Variants in DCBLD2 observed in about 807,000 individuals in gnomAD.
DCBLD2 encodes the protein discoidin, CUB and LCCL domain containing 2, also known as discoidin, CUB and LCCL domain-containing protein 2.
A neutral mutation model predicts 86.8 loss-of-function variants in DCBLD2; 54 were observed. The ratio of observed to expected loss-of-function variants is 0.62; its 90% CI spans 0.50 to 0.78. DCBLD2 has a LOEUF of 0.78. Ranked by LOEUF, DCBLD2 falls within the 30% of genes least tolerant of loss-of-function variation. The pLI, the probability that DCBLD2 is intolerant of heterozygous loss-of-function variation, is 0.00. For missense variants in DCBLD2, 908 were observed against 954.2 expected (o/e 0.95, Z 0.64); for synonymous variants, 354 against 341.3 (o/e 1.04, Z -0.41).
chr3:98,847,481 A>C (rs1942747833), intron 3 of DCBLD2, among the ~76,000 whole-genome samples: 1 of 152,236 alleles, frequency 6.6e-6, no homozygotes, highest in African/African-American at 2.4e-5. Context: ...AGATTTTGTT[A>C]GCCTTCACAT....
intron 8 of DCBLD2, 61 bp from the exon 9 acceptor site, chr3:98,817,954 C>A: frequency 1.3e-6 from 2 of 1,584,696 alleles, no homozygotes; most frequent in South Asian, 2.3e-5. Flanking sequence ...GTTTGTTCAG[C>A]ATCAAAGTAT....
intron 8 of DCBLD2, 63 bp from the exon 9 acceptor site, chr3:98,817,956 T>C (rs1942054485): frequency 6.3e-7 from 1 of 1,583,876 alleles, no homozygotes; most frequent in Non-Finnish European, 8.6e-7. Context: ...TTGTTCAGCA[T>C]CAAAGTATAA....
chr3:98,853,413 A>AGAG (rs1942875476), intron 2 of DCBLD2, among the ~76,000 whole-genome samples: 1 of 152,246 alleles, frequency 6.6e-6, no homozygotes, highest in Non-Finnish European at 1.5e-5. Flanking sequence ...GTCACACTCC[A>AGAG]GTTTGCCACA....
In DCBLD2 at chr3:98,897,867, C is replaced by G. The variant is rs1943777434; in HGVS notation, c.205+3255G>C. On this transcript the variant is annotated intron_variant, in intron 1 of 15. Transcript: ENST00000326840. ...GCCTTCCAGGATACAAATGAGGAAG[C>G]TGAGCTCCTGATATGAAGTAACCCA... 1.3e-5 allele frequency among the ~76,000 whole-genome samples: 2 copies of G among 152,058 alleles called. 1 individual carries two copies. Among genetic ancestry groups the G allele is most frequent in the Admixed American group, 1.3e-4 (2 of 15,278 alleles).
rs547260157 is a variant in DCBLD2 at position 98,845,550 on chromosome 3, A to G, written c.571+3911T>C. ...ACAGCCTCTTAACGGGCCTCTCTAC[A>G]TTTATTCTTACTTTTATTTGACCCG... On this transcript the variant is annotated intron_variant, in intron 3 of 15. Transcript: ENST00000326840. Among the ~76,000 whole-genome samples the G allele has an allele frequency of 2.0e-5, 3 of 152,282 alleles. No homozygotes were observed. The South Asian group carries it at 6.2e-4, about 32-fold the overall frequency.
chr3:98,800,615 T>C lies in DCBLD2; in HGVS notation c.1822A>G (p.Arg608Gly), dbSNP rs775743323. Residue 608 changes from arginine (R) to glycine (G), a missense_variant, in exon 15 of 16, where the codon AGA becomes GGA. This residue lies in a region of DCBLD2 where 606 missense variants were observed against 678.5 expected (regional missense o/e 0.89). Transcript: ENST00000326840. The part of the protein sequence containing the change: ...SSSEVNHLSP[R>G]EVTTVLQADS... The stretch of plus-strand genomic sequence containing the variant: ...GCCTGCAGCACTGTGGTGACTTCTC[T>C]TGGACTCAGGTGATTAACTTCGCTG... 2 of 1,613,936 alleles carry C rather than the reference T, an allele frequency of 1.2e-6. No individual in the cohort carries two copies. The highest frequency in any genetic ancestry group is 1.7e-6 in the Non-Finnish European group (2 of 1,179,850).
At chr3:98,850,746 A>C (rs960510903) in intron 2 of DCBLD2, among the ~76,000 whole-genome samples, 2 of 152,098 alleles carry the variant, frequency 1.3e-5, no homozygotes, top group Non-Finnish European at 2.9e-5. Flanking sequence ...GAATTGACAA[A>C]TAAAACAAAA....
chr3:98,822,052 AAACAAAAC>A lies in DCBLD2; in HGVS notation c.830+168_830+175del, dbSNP rs1454732014. 3 of 841,694 alleles carry A rather than the reference AAACAAAAC, an allele frequency of 3.6e-6. No individual in the cohort carries two copies. In the African/African-American group the frequency reaches 4.9e-5, roughly 14 times the overall value. The allele number at this position is 841,694 out of a possible 1,614,324, so 52.1% of individuals were successfully genotyped here. ...TGAGAGCGAAACTCTGTCTCAAACA[AAACAAAAC>A]AAAAAAACAGACACTGAGCACACTA... On this transcript the variant is annotated intron_variant, in intron 6 of 15. Coordinates refer to ENST00000326840, the MANE Select transcript of DCBLD2 (RefSeq NM_080927.4).
intron 7 of DCBLD2, 121 bp from the exon 8 acceptor site, chr3:98,819,538 G>A: frequency 2.0e-6 from 2 of 1,006,658 alleles, no homozygotes; most frequent in Non-Finnish European, 2.9e-6. Context: ...ATAATACACT[G>A]TAACAGAGAA....
At chr3:98,836,399 T>C (rs1431399145) in intron 3 of DCBLD2, among the ~76,000 whole-genome samples, 1 of 150,832 alleles carries the variant, frequency 6.6e-6, no homozygotes, top group Admixed American at 6.6e-5. Flanking sequence ...TGCTACTCAA[T>C]TGGAACCCAT....
intron 2 of DCBLD2, among the ~76,000 whole-genome samples, chr3:98,874,220 T>G (rs1943328887): frequency 6.6e-6 from 1 of 152,190 alleles, no homozygotes; most frequent in Non-Finnish European, 1.5e-5. Context: ...AAAGGAAAAC[T>G]TCATATTTCT....
At chr3:98,854,966 CA>C (rs1942905440) in intron 2 of DCBLD2, among the ~76,000 whole-genome samples, 1 of 152,046 alleles carries the variant, frequency 6.6e-6, no homozygotes, top group South Asian at 2.1e-4. Context: ...AAACAGAATA[CA>C]AAAAGTACTA....
chr3:98,897,434 T>C (rs1943768944), intron 1 of DCBLD2, among the ~76,000 whole-genome samples: 1 of 152,162 alleles, frequency 6.6e-6, no homozygotes, highest in African/African-American at 2.4e-5. Context: ...AGAGCCCCAA[T>C]GTTTTATCAG....
At position 98,828,907 on chromosome 3, in the gene DCBLD2, C is replaced by T. The variant is rs72934683; in HGVS notation, c.572-3541G>A. On this transcript the variant is annotated intron_variant, in intron 3 of 15. Transcript: ENST00000326840. ...TATGCTAAGTGAAAGAAGCTAGTCA[C>T]AAAAGACCACATACTATGTGATACA... Among the ~76,000 whole-genome samples, 929 of 152,234 alleles carry T rather than the reference C, an allele frequency of 6.1e-3. 8 individuals carry two copies. The highest frequency in any genetic ancestry group is 0.021 in the African/African-American group (874 of 41,536).
intron 3 of DCBLD2, among the ~76,000 whole-genome samples, chr3:98,832,838 C>G (rs778630044): frequency 2.6e-5 from 4 of 152,162 alleles, no homozygotes; most frequent in Non-Finnish European, 5.9e-5. Context: ...TGTTGGTGAT[C>G]TGCCCTTTCT....
intron 7 of DCBLD2, 149 bp from the exon 8 acceptor site, chr3:98,819,566 GTGTTTCT>G (rs1942082087): frequency 1.3e-6 from 1 of 770,018 alleles, no homozygotes. Context: ...AACTAGGCAA[GTGTTTCT>G]TGGGCATATG....
At chr3:98,822,198 A>T (rs770354839) in intron 6 of DCBLD2, 30 bp downstream of exon 6, 2 of 1,611,886 alleles carry the variant, frequency 1.2e-6, no homozygotes, top group East Asian at 4.5e-5. Context: ...TATATATAGC[A>T]TATATTTTTT....
intron 1 of DCBLD2, among the ~76,000 whole-genome samples, chr3:98,889,633 A>G: frequency 6.6e-6 from 1 of 152,030 alleles, no homozygotes; most frequent in Non-Finnish European, 1.5e-5. Context: ...TATAGGTAAA[A>G]GTTTAAGGCT....
At chr3:98,825,967 G>C (rs780289932) in intron 3 of DCBLD2, among the ~76,000 whole-genome samples, 1 of 151,894 alleles carries the variant, frequency 6.6e-6, no homozygotes, top group Admixed American at 6.6e-5. Flanking sequence ...AATCTCTGGC[G>C]GTGGTGCCCA....
Sources: gnomAD v4.1 joint callset for allele counts (sites outside exome capture counted in the v4.1 genomes callset) on GRCh38, gnomAD v4.1.1 for gene constraint, gnomAD v4.1.1 regional missense constraint, MANE v1.5 for transcripts, NCBI Gene and HGNC (gene_info 2026-07-23, HGNC 2026-07-21) for gene names.